The following AIFM3 variants were observed in gnomAD, a reference collection of about 807,000 sequenced individuals.
The protein encoded by AIFM3 is AIF family member 3.
A neutral mutation model predicts 82.7 loss-of-function variants in AIFM3; 71 were observed. The ratio of observed to expected loss-of-function variants is 0.86; its 90% CI spans 0.71 to 1.05. The LOEUF (loss-of-function observed/expected upper bound fraction) is 1.05. Among genes scored for constraint, AIFM3 ranks in the 50% least tolerant of loss-of-function variants. The probability of loss-of-function intolerance (pLI) is 0.00; values close to 1 mark genes in which losing one functional copy is unlikely to be tolerated. For missense variants in AIFM3, 748 were observed against 816.7 expected (o/e 0.92, Z 1.03); for synonymous variants, 337 against 329.1 (o/e 1.02, Z -0.26).
In AIFM3 at chr22:20,981,137, C is replaced by T; in HGVS notation, c.*106C>T. On this transcript the variant is annotated 3_prime_UTR_variant, in exon 21 of 21. Transcript: ENST00000440238. ...GTCCCAGGATCCCCCAGGGCAGAAC[C>T]TGAGCCCTCCCAGTGCTTGCCTTCA... 1.3e-5 allele frequency: 20 copies of T among 1,505,410 alleles called. No individual in the cohort carries two copies. The highest frequency in any genetic ancestry group is 1.8e-5 in the Non-Finnish European group (20 of 1,102,400). 93.3% of individuals were successfully genotyped at this position (1,505,410 alleles called of 1,614,324 possible). A position where few individuals can be genotyped will look rare whatever the true frequency, so the allele number is the denominator to read the frequency against.
At chr22:20,974,908 C>A (rs947244933) in intron 8 of AIFM3, 92 bp downstream of exon 8, 2 of 1,267,072 alleles carry the variant, frequency 1.6e-6, no homozygotes, top group East Asian at 2.4e-5. Flanking sequence ...GGGGTCTGGC[C>A]GGCTGCCCTC....
At chr22:20,974,954 AAGATCT>A in intron 8 of AIFM3, 138 bp downstream of exon 8, 1 of 783,006 alleles carries the variant, frequency 1.3e-6, no homozygotes, top group Non-Finnish European at 2.1e-6. Context: ...GTACCCCCAA[AAGATCT>A]AGATTTGTTG....
chr22:20,980,820 A>G, intron 20 of AIFM3, 53 bp downstream of exon 20: 1 of 1,609,086 alleles, frequency 6.2e-7, no homozygotes, highest in Non-Finnish European at 8.5e-7. Flanking sequence ...GTCAGCCCAG[A>G]CCCTCCACCC....
intron 9 of AIFM3, among the ~76,000 whole-genome samples, chr22:20,976,008 T>C (rs570154659): frequency 7.9e-5 from 12 of 152,288 alleles, no homozygotes; most frequent in Middle Eastern, 3.4e-3. Context: ...GGATAGGAGA[T>C]ACTGGTGGGA....
At position 20,981,304 on chromosome 22, in the gene AIFM3, G is replaced by C. The variant is rs146061792; in HGVS notation, c.*273G>C. 129 of 536,274 alleles carry C rather than the reference G, an allele frequency of 2.4e-4. 1 individual carries two copies. The highest frequency in any genetic ancestry group is 2.3e-3 in the African/African-American group (121 of 52,680). 33.2% of individuals were successfully genotyped at this position (536,274 alleles called of 1,614,324 possible). On this transcript the variant is annotated 3_prime_UTR_variant, in exon 21 of 21. Transcript: ENST00000440238. ...CCTCTATTGGGACTGGTCCCCTGAA[G>C]AACCCTGCAACACGTTAAACATTAC...
At chr22:20,969,436 A>ATT (rs565306730) in intron 2 of AIFM3, among the ~76,000 whole-genome samples, 4 of 147,304 alleles carry the variant, frequency 2.7e-5, no homozygotes, top group South Asian at 2.2e-4. Flanking sequence ...CACTTGCGGA[A>ATT]TTTTTTTTTT....
intron 2 of AIFM3, among the ~76,000 whole-genome samples, chr22:20,968,256 G>A (rs1923045204): frequency 6.6e-6 from 1 of 152,194 alleles, no homozygotes; most frequent in Non-Finnish European, 1.5e-5. Context: ...GGAAAGTCAG[G>A]GTTCCTCCTG....
At chr22:20,968,015 C>T (rs952109251) in intron 2 of AIFM3, 40 bp downstream of exon 2, 1 of 1,580,092 alleles carries the variant, frequency 6.3e-7, no homozygotes, top group Non-Finnish European at 8.6e-7. Context: ...TCTCCTCCCT[C>T]CCCGCCTCCT....
Position 20,981,074 on chromosome 22 carries a change from G to A in AIFM3, c.*43G>A, listed in dbSNP as rs770043180. On this transcript the variant is annotated 3_prime_UTR_variant, in exon 21 of 21. Transcript: ENST00000440238. ...TTGGGCAGGCAAAGGGGGCACCAAG[G>A]GCACAGGCCAAGCCTTGGGGGCAGG... The A allele has an allele frequency of 3.1e-6, 5 of 1,613,060 alleles. No individual in the cohort carries two copies. The highest frequency in any genetic ancestry group is 1.3e-5 in the African/African-American group (1 of 74,916).
intron 18 of AIFM3, 152 bp downstream of exon 18, chr22:20,979,854 C>A: frequency 8.5e-7 from 1 of 1,170,352 alleles, no homozygotes; most frequent in Non-Finnish European, 1.2e-6. Flanking sequence ...AGCTTGTGCA[C>A]GGTCAAGCCG....
chr22:20,979,820 TG>T lies in AIFM3; in HGVS notation c.1652+120del, dbSNP rs564783990. 4.2e-4 allele frequency: 567 copies of T among 1,347,560 alleles called. 2 individuals are homozygous for T. The African/African-American group carries it at 7.1e-3, about 17-fold the overall frequency. 83.5% of individuals were successfully genotyped at this position (1,347,560 alleles called of 1,614,324 possible). On this transcript the variant is annotated intron_variant, in intron 18 of 20. Transcript: ENST00000440238. ...AGCCCTGAGCCCCGCTGAGGAGTGC[TG>T]GAGCTTCCTTAGGAAAGCCCGAAGC... is the stretch of plus-strand genomic sequence containing the variant.
At chr22:20,972,501 G>A (rs1367888311) in intron 2 of AIFM3, among the ~76,000 whole-genome samples, 3 of 151,842 alleles carry the variant, frequency 2.0e-5, no homozygotes, top group African/African-American at 7.3e-5. Context: ...TGGGAAAGTT[G>A]TAAGACTAGA....
At position 20,973,419 on chromosome 22, in the gene AIFM3, C is replaced by T. The variant is rs2147940662; in HGVS notation, c.144C>T (p.His48=). 1 of 1,613,188 alleles carries T rather than the reference C, an allele frequency of 6.2e-7. No homozygotes were observed. The highest frequency in any genetic ancestry group is 8.5e-7 in the Non-Finnish European group (1 of 1,179,984). The change falls in exon 3 of 21, where the codon CAC becomes CAT. Residue 48 remains histidine (H), a synonymous_variant. Coordinates refer to ENST00000440238, the MANE Select transcript of AIFM3 (RefSeq NM_001386814.1). ...RAYQGNGTAR[H]FHTEERLSTP... ...ACCAGGGCAATGGCACGGCCCGCCA[C>T]TTCCACACGGAGGAGCGCCTGTCCA...
At chr22:20,976,614 T>A in intron 11 of AIFM3, 37 bp from the exon 12 acceptor site, 3 of 1,612,654 alleles carry the variant, frequency 1.9e-6, no homozygotes, top group Non-Finnish European at 2.5e-6. Flanking sequence ...TCGAGGAAGG[T>A]GCAGGTGCCA....
Position 20,974,774 on chromosome 22 carries a change from G to T in AIFM3, c.678G>T (p.Thr226=), listed in dbSNP as rs373816290. 1 of 1,613,360 alleles carries T rather than the reference G, an allele frequency of 6.2e-7. No individual in the cohort carries two copies. Among genetic ancestry groups the T allele is most frequent in the Non-Finnish European group, 8.5e-7 (1 of 1,179,918 alleles). The change falls in exon 8 of 21, where the codon ACG becomes ACT. Residue 226 remains threonine, a synonymous_variant. Transcript: ENST00000440238. ...EGFSDRIVLC[T]LDRHLPYDRP... ...TCTCCGACCGGATCGTCCTGTGCAC[G>T]CTAGACCGGCACCTTCCCTACGACC...
chr22:20,971,262 T>C (rs1171687221), intron 2 of AIFM3, among the ~76,000 whole-genome samples: 1 of 152,212 alleles, frequency 6.6e-6, no homozygotes, highest in South Asian at 2.1e-4. Context: ...ACATAAGGTA[T>C]AGAAAATGGA....
intron 8 of AIFM3, among the ~76,000 whole-genome samples, chr22:20,975,358 C>A (rs758709958): frequency 1.3e-5 from 2 of 151,492 alleles, no homozygotes; most frequent in Non-Finnish European, 2.9e-5. Context: ...CTCCACCTCC[C>A]GGGCTCAAAC....
Position 20,976,521 on chromosome 22 carries a change from T to A in AIFM3, c.1013T>A (p.Val338Glu). 1 of 1,613,514 alleles carries A rather than the reference T, an allele frequency of 6.2e-7. No individual in the cohort carries two copies. Among genetic ancestry groups the A allele is most frequent in the Non-Finnish European group, 8.5e-7 (1 of 1,180,016 alleles). Residue 338 changes from valine to glutamate, a missense_variant, in exon 11 of 21, where the codon GTG becomes GAG. Physicochemically the swap from Val to Glu is moderately radical, Grantham distance 121 (BLOSUM62 -2). Coordinates refer to ENST00000440238, the MANE Select transcript of AIFM3 (RefSeq NM_001386814.1). ...GCCCGAGGCCGCAACGTGGTCGTCG[T>A]GGGAGCCGGCTTCCTGGGTGAGAGG... is the stretch of plus-strand genomic sequence containing the variant. ...RLARGRNVVV[V>E]GAGFLGMEVA...
chr22:20,974,387 A>G, intron 6 of AIFM3, 91 bp downstream of exon 6: 1 of 1,574,186 alleles, frequency 6.4e-7, no homozygotes, highest in Non-Finnish European at 8.6e-7. Context: ...CTGTGGTGGG[A>G]GGAGCTTGGC....
Sources: allele counts gnomAD v4.1 joint callset (sites outside exome capture counted in the v4.1 genomes callset), GRCh38; gene constraint gnomAD v4.1.1; transcripts MANE v1.5; gene names NCBI Gene and HGNC (gene_info 2026-07-23, HGNC 2026-07-21).